The following CCDC88A variants were observed in gnomAD, a reference collection of about 807,000 sequenced individuals.
CCDC88A encodes girdin.
In CCDC88A, 54 loss-of-function variants were observed where a neutral mutation model predicts 234.3. The ratio of observed to expected loss-of-function variants is 0.23; its 90% CI spans 0.19 to 0.29. CCDC88A has a LOEUF of 0.29. Ranked by LOEUF, CCDC88A falls within the 10% of genes least tolerant of loss-of-function variation. The pLI is 1.00. For synonymous variants in CCDC88A, 753 were observed against 737.8 expected, an observed-to-expected ratio of 1.02 and a Z score of -0.33; for missense variants, 1,832 against 2,123.4, an observed-to-expected ratio of 0.86 and a Z score of 2.70.
intron 6 of CCDC88A, 142 bp from the exon 7 acceptor site, chr2:55,362,590 T>C (rs1466335627): frequency 1.6e-5 from 9 of 570,986 alleles, no homozygotes; most frequent in Admixed American, 8.3e-5. Flanking sequence ...AGGAGAACAT[T>C]TGAAATGATA....
rs950376336 is a variant in CCDC88A at position 55,288,334 on chromosome 2, T to C, written c.*2866A>G. The C allele has an allele frequency of 6.6e-5, 10 of 152,488 alleles. No individual in the cohort carries two copies. The allele number at this position is 152,488 out of a possible 1,614,324, so 9.4% of individuals were successfully genotyped here. A position where few individuals can be genotyped will look rare whatever the true frequency, so the allele number is the denominator to read the frequency against. ...ATTCATTCAAGACTTAAAGAAAAAATACATCTCAGGACTAAGTGTAGCTGA... is the reference window on the plus strand; with the variant it reads ...ATTCATTCAAGACTTAAAGAAAAAACACATCTCAGGACTAAGTGTAGCTGA... On this transcript the variant is annotated 3_prime_UTR_variant, in exon 33 of 33. Coordinates refer to ENST00000436346, the MANE Select transcript of CCDC88A (RefSeq NM_001365480.1).
chr2:55,334,324 G>T lies in CCDC88A; in HGVS notation c.2497C>A (p.Gln833Lys). Reference protein sequence around the residue: ...ETSQLEKDKKQLEKENKRLRQ... With the variant: ...ETSQLEKDKKKLEKENKRLRQ... ...AGTCTCTTATTTTCCTTCTCCAATT[G>T]TTTCTTATCCTTTTCCAGTTGAGAA... Residue 833 changes from glutamine (Q) to lysine (K), a missense_variant, in exon 15 of 33, where the codon CAA becomes AAA. Around this residue, in one of 6 missense-constraint regions of CCDC88A, gnomAD observed 1,282 missense variants for 1,543.6 expected, o/e 0.83. Transcript: ENST00000436346. This position sits in a 1 kb window ranked among gnomAD's most constrained non-coding sequence, Gnocchi z 6.1. The T allele has an allele frequency of 6.7e-7, 1 of 1,491,170 alleles. No homozygotes were observed. The highest frequency in any genetic ancestry group is 8.9e-7 in the Non-Finnish European group (1 of 1,125,542). The allele number at this position is 1,491,170 out of a possible 1,614,324, so 92.4% of individuals were successfully genotyped here.
chr2:55,327,672 TAAAAGGG>T (rs1684438319), intron 17 of CCDC88A, among the ~76,000 whole-genome samples: 2 of 152,186 alleles, frequency 1.3e-5, no homozygotes, highest in East Asian at 3.8e-4. Context: ...GCAGAGATGA[TAAAAGGG>T]TGAATAAACC....
chr2:55,303,807 C>A (rs1029686735), intron 25 of CCDC88A, among the ~76,000 whole-genome samples: 1 of 152,170 alleles, frequency 6.6e-6, no homozygotes, highest in African/African-American at 2.4e-5. Context: ...AAAATGAAGG[C>A]TACTGGTGGT....
intron 10 of CCDC88A, chr2:55,345,291 C>T (rs1227742032): frequency 6.6e-6 from 1 of 152,142 alleles, no homozygotes; most frequent in African/African-American, 2.4e-5. Flanking sequence ...GTTTTCGTTT[C>T]TTGATTTTGT....
chr2:55,341,955 T>C (rs1391583384), intron 12 of CCDC88A, among the ~76,000 whole-genome samples: 1 of 152,200 alleles, frequency 6.6e-6, no homozygotes, highest in African/African-American at 2.4e-5. Flanking sequence ...CTGAATGCTA[T>C]GAGAGTTCTA....
At chr2:55,382,253 C>T (rs1674717277) in intron 3 of CCDC88A, among the ~76,000 whole-genome samples, 1 of 151,956 alleles carries the variant, frequency 6.6e-6, no homozygotes, top group Admixed American at 6.6e-5. Flanking sequence ...AAAGAAAAAC[C>T]TAAAAAGTGT....
chr2:55,349,619 T>A lies in CCDC88A; in HGVS notation c.801-20A>T, dbSNP rs555197047. On this transcript the variant is annotated intron_variant, in intron 8 of 32. Transcript: ENST00000436346. ...TCCTCCCTTAAATGCAAAAATATATTCATTAAGTATACTATTTTTGAAAAC... is the reference window on the plus strand; with the variant it reads ...TCCTCCCTTAAATGCAAAAATATATACATTAAGTATACTATTTTTGAAAAC... 19 of 1,533,556 alleles carry A rather than the reference T, an allele frequency of 1.2e-5. No homozygotes were observed. The highest frequency in any genetic ancestry group is 1.7e-4 in the Middle Eastern group (1 of 5,898). The allele number at this position is 1,533,556 out of a possible 1,614,324, so 95.0% of individuals were successfully genotyped here. A position where few individuals can be genotyped will look rare whatever the true frequency, so the allele number is the denominator to read the frequency against.
chr2:55,308,660 A>C (rs1468257636), intron 25 of CCDC88A, 149 bp downstream of exon 25: 7 of 626,186 alleles, frequency 1.1e-5, no homozygotes, highest in Non-Finnish European at 1.9e-5. Context: ...GTGGCTGTAC[A>C]CTAATGCAGT....
intron 2 of CCDC88A, among the ~76,000 whole-genome samples, chr2:55,393,570 A>C (rs1017680339): frequency 6.6e-6 from 1 of 152,080 alleles, no homozygotes; most frequent in African/African-American, 2.4e-5. Context: ...CTGGGATTAC[A>C]GGCATGAGCC....
chr2:55,291,471 A>C (rs1679445883), intron 32 of CCDC88A: 3 of 349,834 alleles, frequency 8.6e-6, no homozygotes, highest in African/African-American at 2.1e-5. Flanking sequence ...AAAAACTTAA[A>C]AAAAAATACT....
At chr2:55,396,065 AT>A (rs55817930) in intron 2 of CCDC88A, among the ~76,000 whole-genome samples, 1 of 150,068 alleles carries the variant, frequency 6.7e-6, no homozygotes, top group South Asian at 2.1e-4. Flanking sequence ...CCATTCTGGT[AT>A]TTTTTTTTTC....
At chr2:55,343,363 A>G (rs926029673) in intron 12 of CCDC88A, among the ~76,000 whole-genome samples, 7 of 152,164 alleles carry the variant, frequency 4.6e-5, no homozygotes, top group African/African-American at 1.4e-4. Flanking sequence ...TTCTTAAAAT[A>G]CATTAATAAA....
intron 3 of CCDC88A, among the ~76,000 whole-genome samples, chr2:55,377,771 G>C (rs1325797048): frequency 1.3e-5 from 2 of 151,728 alleles, no homozygotes; most frequent in African/African-American, 2.4e-5. Context: ...CACCATGCCT[G>C]GCTAATTTTT....
chr2:55,303,074 G>T lies in CCDC88A; in HGVS notation c.4466C>A (p.Ser1489Tyr), dbSNP rs1681089430. Residue 1489 changes from serine to tyrosine, a missense_variant, in exon 26 of 33, where the codon TCC (serine) becomes TAC (tyrosine). This residue lies in a region of CCDC88A where 1,282 missense variants were observed against 1,543.6 expected (regional missense o/e 0.83). Coordinates refer to ENST00000436346, the MANE Select transcript of CCDC88A (RefSeq NM_001365480.1). ...KDKMKACYRR[S>Y]MSMNDLVQSM... ...GAACTGTCATAAAGTCTTACACATGGAACGACGGTAGCAGGCCTTCATTTT... is the reference window on the plus strand; with the variant it reads ...GAACTGTCATAAAGTCTTACACATGTAACGACGGTAGCAGGCCTTCATTTT... 6.5e-7 allele frequency: 1 copy of T among 1,547,648 alleles called. No homozygotes were observed. Among genetic ancestry groups the T allele is most frequent in the Non-Finnish European group, 8.7e-7 (1 of 1,143,130 alleles).
chr2:55,370,258 C>A (rs1672618194), intron 5 of CCDC88A, among the ~76,000 whole-genome samples: 1 of 152,088 alleles, frequency 6.6e-6, no homozygotes, highest in Non-Finnish European at 1.5e-5. Context: ...TCTAAAAAAC[C>A]TTGAATGATG....
chr2:55,413,398 A>G (rs1320475937), intron 2 of CCDC88A, among the ~76,000 whole-genome samples: 1 of 152,188 alleles, frequency 6.6e-6, no homozygotes, highest in African/African-American at 2.4e-5. Flanking sequence ...CTTCCCCATC[A>G]GGAAGGGAAA....
intron 3 of CCDC88A, among the ~76,000 whole-genome samples, chr2:55,379,041 C>G (rs1256824335): frequency 6.6e-6 from 1 of 152,072 alleles, no homozygotes; most frequent in Admixed American, 6.5e-5. Flanking sequence ...CCACTGCGCC[C>G]GGCCTGGATT....
At chr2:55,387,845 T>C (rs1002564910) in intron 3 of CCDC88A, among the ~76,000 whole-genome samples, 3 of 149,556 alleles carry the variant, frequency 2.0e-5, no homozygotes, top group South Asian at 4.2e-4. Flanking sequence ...CAATTACTGA[T>C]AAATAATCAA....
Sources: gnomAD v4.1 joint callset for allele counts (sites outside exome capture counted in the v4.1 genomes callset) on GRCh38, gnomAD v4.1.1 for gene constraint, gnomAD v4.1.1 regional missense constraint, Gnocchi (gnomAD v3.1) non-coding constraint, MANE v1.5 for transcripts, NCBI Gene and HGNC (gene_info 2026-07-23, HGNC 2026-07-21) for gene names.